The following QSOX1 variants were observed in gnomAD, a reference collection of about 807,000 sequenced individuals.
QSOX1 encodes sulfhydryl oxidase 1.
In QSOX1, 40 loss-of-function variants were observed where a neutral mutation model predicts 76.1. That is an observed-to-expected ratio of 0.53 (90% CI 0.41 to 0.68). QSOX1 has a LOEUF of 0.68. QSOX1 is among the 30% of genes least tolerant of loss of function. QSOX1 has a pLI of 0.00. For synonymous variants in QSOX1, 392 were observed against 413.1 expected (o/e 0.95, Z 0.62); for missense variants, 931 against 974.3 (o/e 0.96, Z 0.59).
intron 1 of QSOX1, 44 bp from the exon 2 acceptor site, chr1:180,166,447 G>A (rs1395461831): frequency 1.3e-6 from 2 of 1,494,834 alleles, no homozygotes; most frequent in Non-Finnish European, 1.9e-6. Context: ...GGCAGAGGGG[G>A]TACCAGCCCC....
At chr1:180,195,511 G>C (rs948702587) in intron 11 of QSOX1, among the ~76,000 whole-genome samples, 2 of 152,180 alleles carry the variant, frequency 1.3e-5, no homozygotes, top group Non-Finnish European at 2.9e-5. Flanking sequence ...AGAAGGGATG[G>C]GCTGATGCAT....
intron 2 of QSOX1, among the ~76,000 whole-genome samples, chr1:180,173,264 G>A (rs1406401051): frequency 6.6e-6 from 1 of 151,954 alleles, no homozygotes; most frequent in East Asian, 1.9e-4. Context: ...ACCTGACCTG[G>A]TTTATTATTT....
intron 1 of QSOX1, among the ~76,000 whole-genome samples, chr1:180,162,733 A>T (rs553323586): frequency 1.3e-5 from 2 of 152,268 alleles, no homozygotes; most frequent in East Asian, 3.9e-4. Context: ...GTGAGACCTT[A>T]TCTCAAAACA....
At chr1:180,169,043 C>T (rs1013988793) in intron 2 of QSOX1, among the ~76,000 whole-genome samples, 1 of 152,252 alleles carries the variant, frequency 6.6e-6, no homozygotes, top group African/African-American at 2.4e-5. Context: ...CTTCTGTCTC[C>T]AGCCCCTTGT....
At position 180,203,062 on chromosome 1, in the gene QSOX1, C is replaced by CT. The variant is rs1424481397; in HGVS notation, c.*6026dup. The stretch of plus-strand genomic sequence containing the variant: ...CTCCAGCCTGGGGGACAGAGCGAGA[C>CT]TCTGTCTCAAAAAAATAAAAAAATA... On this transcript the variant is annotated 3_prime_UTR_variant, in exon 12 of 12. Transcript: ENST00000367602. The CT allele has an allele frequency of 6.6e-6, 1 of 151,832 alleles. No individual in the cohort carries two copies. Among genetic ancestry groups the CT allele is most frequent in the African/African-American group, 2.4e-5 (1 of 41,292 alleles). 9.4% of individuals were successfully genotyped at this position (151,832 alleles called of 1,614,324 possible).
In QSOX1 at chr1:180,196,667, T is replaced by C. The variant is rs1290648922; in HGVS notation, c.1874T>C (p.Met625Thr). Residue 625 changes from methionine to threonine, a missense_variant, in exon 12 of 12, where the codon ATG (methionine) becomes ACG (threonine). By Grantham distance (81) the Met-to-Thr change is moderately conservative. Coordinates refer to ENST00000367602, the MANE Select transcript of QSOX1 (RefSeq NM_002826.5). This position sits in a 1 kb window ranked among gnomAD's most constrained non-coding sequence, Gnocchi z 4.1. Reference protein sequence around the residue: ...AAPGQEPPEHMAELQRNEQEQ... With the variant: ...AAPGQEPPEHTAELQRNEQEQ... Reference sequence around the variant, plus strand: ...CCAGGCCAGGAGCCTCCTGAGCACATGGCAGAGCTTCAGAGGAATGAGCAG... The same window carrying C: ...CCAGGCCAGGAGCCTCCTGAGCACACGGCAGAGCTTCAGAGGAATGAGCAG... 6.2e-7 allele frequency: 1 copy of C among 1,614,106 alleles called. No individual in the cohort carries two copies. Among genetic ancestry groups the C allele is most frequent in the African/African-American group, 1.3e-5 (1 of 75,060 alleles).
intron 7 of QSOX1, among the ~76,000 whole-genome samples, chr1:180,185,815 T>G (rs1396758211): frequency 1.3e-5 from 2 of 152,220 alleles, no homozygotes; most frequent in Non-Finnish European, 2.9e-5. Flanking sequence ...CTCAGCAACT[T>G]ACCTGTGAGC....
At chr1:180,159,738 C>T (rs138264104) in intron 1 of QSOX1, among the ~76,000 whole-genome samples, 391 of 152,262 alleles carry the variant, frequency 2.6e-3, no homozygotes, top group Non-Finnish European at 4.5e-3. Context: ...AAGGTCAGAT[C>T]GACAGCTTAG....
rs1663479704 is a variant in QSOX1 at position 180,196,150 on chromosome 1, T to G, written c.1469-112T>G. ...AATTACCCATCCTCTGGAAGGGCAG[T>G]GGCGAGCCCTTTCTGCAGACAAGGA... On this transcript the variant is annotated intron_variant, in intron 11 of 11. Coordinates refer to ENST00000367602, the MANE Select transcript of QSOX1 (RefSeq NM_002826.5). This position sits in a 1 kb window ranked among gnomAD's most constrained non-coding sequence, Gnocchi z 4.1. 7.5e-7 allele frequency: 1 copy of G among 1,331,962 alleles called. No individual in the cohort carries two copies. The highest frequency in any genetic ancestry group is 2.4e-5 in the Admixed American group (1 of 42,284). The allele number at this position is 1,331,962 out of a possible 1,614,324, so 82.5% of individuals were successfully genotyped here. A position where few individuals can be genotyped will look rare whatever the true frequency, so the allele number is the denominator to read the frequency against.
At chr1:180,185,958 CCTTCT>C in intron 7 of QSOX1, 90 bp from the exon 8 acceptor site, 1 of 1,440,796 alleles carries the variant, frequency 6.9e-7, no homozygotes, top group Non-Finnish European at 9.7e-7. Flanking sequence ...CAGCAGTGCC[CCTTCT>C]CTTCTCTCCC....
chr1:180,164,532 G>T (rs1048618694), intron 1 of QSOX1, among the ~76,000 whole-genome samples: 5 of 152,192 alleles, frequency 3.3e-5, no homozygotes, highest in Admixed American at 1.3e-4. Flanking sequence ...CTTCCTCCCA[G>T]CTCGCAGAGC....
At chr1:180,183,389 A>G (rs901931486) in intron 6 of QSOX1, among the ~76,000 whole-genome samples, 14 of 152,210 alleles carry the variant, frequency 9.2e-5, no homozygotes, top group African/African-American at 3.1e-4. Context: ...AAAGACCGTA[A>G]AAAGATTTAG....
At chr1:180,183,217 C>T (rs763095303) in intron 6 of QSOX1, among the ~76,000 whole-genome samples, 4 of 151,998 alleles carry the variant, frequency 2.6e-5, no homozygotes, top group Non-Finnish European at 2.9e-5. Flanking sequence ...GGAATGAAGC[C>T]GTGCGTCCCA....
intron 1 of QSOX1, among the ~76,000 whole-genome samples, chr1:180,164,535 C>T (rs1662567391): frequency 6.6e-6 from 1 of 152,174 alleles, no homozygotes. Context: ...CCTCCCAGCT[C>T]GCAGAGCCCC....
At chr1:180,173,611 C>G (rs1229681811) in intron 2 of QSOX1, among the ~76,000 whole-genome samples, 1 of 152,124 alleles carries the variant, frequency 6.6e-6, no homozygotes, top group African/African-American at 2.4e-5. Context: ...TGGGGAGAGA[C>G]AGGTGGCTTC....
Position 180,203,110 on chromosome 1 carries a change from C to G in QSOX1, c.*6073C>G, listed in dbSNP as rs2149245895. On this transcript the variant is annotated 3_prime_UTR_variant, in exon 12 of 12. Transcript: ENST00000367602. ...ATAAAAATAAAAAAATAAAGTAAAGCTACATATTTAAAAGCTGGGGAAATA... is the reference window on the plus strand; with the variant it reads ...ATAAAAATAAAAAAATAAAGTAAAGGTACATATTTAAAAGCTGGGGAAATA... The G allele has an allele frequency of 6.6e-6, 1 of 151,896 alleles. No homozygotes were observed. The highest frequency in any genetic ancestry group is 2.4e-5 in the African/African-American group (1 of 41,472). The allele number at this position is 151,896 out of a possible 1,614,324, so 9.4% of individuals were successfully genotyped here.
At chr1:180,174,882 C>T (rs945950931) in intron 2 of QSOX1, among the ~76,000 whole-genome samples, 13 of 151,910 alleles carry the variant, frequency 8.6e-5, no homozygotes, top group African/African-American at 2.7e-4. Flanking sequence ...GAAACAGGCT[C>T]GGCCAGGCGC....
At chr1:180,164,869 G>A (rs1662575813) in intron 1 of QSOX1, among the ~76,000 whole-genome samples, 1 of 152,150 alleles carries the variant, frequency 6.6e-6, no homozygotes. Context: ...TAGCTTCTGG[G>A]GAGGCCTCAG....
chr1:180,190,137 G>A (rs1360099639), intron 9 of QSOX1, among the ~76,000 whole-genome samples: 5 of 152,206 alleles, frequency 3.3e-5, no homozygotes, highest in Admixed American at 2.6e-4. Context: ...GCCAGCAGAG[G>A]TGTAAAACCC....
Sources: allele counts gnomAD v4.1 joint callset (sites outside exome capture counted in the v4.1 genomes callset), GRCh38; gene constraint gnomAD v4.1.1; non-coding constraint Gnocchi (gnomAD v3.1); transcripts MANE v1.5; gene names NCBI Gene and HGNC (gene_info 2026-07-23, HGNC 2026-07-21).